ZRANB3: variants seen among roughly 807,000 people sequenced by gnomAD.
ZRANB3 encodes DNA annealing helicase and endonuclease ZRANB3.
A neutral mutation model predicts 133.8 loss-of-function variants in ZRANB3; 125 were observed. The ratio of observed to expected loss-of-function variants is 0.93; its 90% CI spans 0.81 to 1.08. ZRANB3 has a LOEUF of 1.08. Ranked by LOEUF, ZRANB3 falls within the 50% of genes least tolerant of loss-of-function variation. ZRANB3 has a pLI of 0.00. For missense variants in ZRANB3, 1,229 were observed against 1,275.5 expected, an observed-to-expected ratio of 0.96 and a Z score of 0.56; for synonymous variants, 387 against 432.7, an observed-to-expected ratio of 0.89 and a Z score of 1.31.
chr2:135,263,407 A>C (rs11890302), intron 12 of ZRANB3, among the ~76,000 whole-genome samples: 40,839 of 152,096 alleles, frequency 0.27, 9,166 homozygotes, highest in African/African-American at 0.6. Context: ...CAGTAAAGAT[A>C]TTTGTGCATG....
At chr2:135,286,054 A>G (rs1414176230) in intron 8 of ZRANB3, among the ~76,000 whole-genome samples, 1 of 152,192 alleles carries the variant, frequency 6.6e-6, no homozygotes, top group Admixed American at 6.5e-5. Flanking sequence ...ATTTTAAAAA[A>G]TGTTCCATTG....
At position 135,200,875 on chromosome 2, in the gene ZRANB3, C is replaced by T. The variant is rs573676848; in HGVS notation, c.3142-435G>A. On this transcript the variant is annotated intron_variant, in intron 20 of 20. Coordinates refer to ENST00000264159, the MANE Select transcript of ZRANB3 (RefSeq NM_032143.4). The stretch of plus-strand genomic sequence containing the variant: ...GGTTCAAGCAATTCTCCAGCCTCAG[C>T]CTCCAGAGTAGCTGGAATTATAGGC... Among the ~76,000 whole-genome samples, 502 of 151,938 alleles carry T rather than the reference C, an allele frequency of 3.3e-3. 5 individuals carry two copies. The highest frequency in any genetic ancestry group is 7.9e-3 in the South Asian group (38 of 4,808).
chr2:135,311,582 A>T (rs1225133967), intron 8 of ZRANB3, among the ~76,000 whole-genome samples: 7 of 105,662 alleles, frequency 6.6e-5, no homozygotes, highest in East Asian at 6.2e-4. Context: ...GTGAAAGAAT[A>T]AAAAAAAAAA....
intron 13 of ZRANB3, among the ~76,000 whole-genome samples, chr2:135,230,263 T>C (rs1694937817): frequency 6.6e-6 from 1 of 152,230 alleles, no homozygotes; most frequent in Non-Finnish European, 1.5e-5. Context: ...TAATCAGAAA[T>C]GTCCATTTGT....
At chr2:135,353,373 G>T in intron 4 of ZRANB3, 77 bp downstream of exon 4, 2 of 973,124 alleles carry the variant, frequency 2.1e-6, no homozygotes, top group Non-Finnish European at 2.9e-6. Flanking sequence ...TGGTGATATT[G>T]CATTCTAAAA....
At chr2:135,403,477 C>A (rs1261566763) in intron 2 of ZRANB3, among the ~76,000 whole-genome samples, 2 of 152,208 alleles carry the variant, frequency 1.3e-5, no homozygotes, top group East Asian at 3.9e-4. Flanking sequence ...GTGTGGAGCC[C>A]ACTGCAGCTC....
In ZRANB3 at chr2:135,313,532, A is replaced by G. The variant is rs778490785; in HGVS notation, c.923T>C (p.Met308Thr). ...TPNSGAMETV[M>T]GLITRMFKQT... ...TTTAAACATGCGAGTTATCAACCCC[A>G]TGACTGTCTCCATGGCACCTGAATT... Residue 308 changes from methionine to threonine, a missense_variant, in exon 8 of 21, where the codon ATG (methionine) becomes ACG (threonine). Met to Thr is a moderately conservative substitution (Grantham distance 81, BLOSUM62 -1). Transcript: ENST00000264159. The G allele has an allele frequency of 6.2e-7, 1 of 1,613,788 alleles. No homozygotes were observed. Among genetic ancestry groups the G allele is most frequent in the Non-Finnish European group, 8.5e-7 (1 of 1,179,790 alleles).
At chr2:135,273,748 G>T (rs78535568) in intron 9 of ZRANB3, among the ~76,000 whole-genome samples, 15,622 of 151,996 alleles carry the variant, frequency 0.1, 1,066 homozygotes, top group South Asian at 0.32. Context: ...TGTTGGTCAG[G>T]CTGGTCTCGA....
chr2:135,426,749 A>G (rs1288305122), intron 2 of ZRANB3, among the ~76,000 whole-genome samples: 27 of 142,338 alleles, frequency 1.9e-4, no homozygotes, highest in African/African-American at 7.0e-4. Flanking sequence ...GGAGAATGGC[A>G]TGAACCCAGG....
At position 135,208,926 on chromosome 2, in the gene ZRANB3, C is replaced by G. The variant is rs1385221418; in HGVS notation, c.2548G>C (p.Val850Leu). The change falls in exon 18 of 21, where the codon GTT becomes CTT. Residue 850 changes from valine to leucine, a missense_variant. Val to Leu is a conservative substitution (Grantham distance 32). Transcript: ENST00000264159. The part of the protein sequence containing the change: ...AVASMDKVKN[V>L]GGHVRLITKE... ...GTGATCAGACGGACATGGCCCCCAACATTCTTCACTTTGTCCATTGAGGCT... is the reference window on the plus strand; with the variant it reads ...GTGATCAGACGGACATGGCCCCCAAGATTCTTCACTTTGTCCATTGAGGCT... The G allele has an allele frequency of 1.9e-6, 3 of 1,613,876 alleles. No homozygotes were observed. Among genetic ancestry groups the G allele is most frequent in the East Asian group, 2.2e-5 (1 of 44,906 alleles).
chr2:135,340,266 C>T (rs1366148576), intron 6 of ZRANB3, among the ~76,000 whole-genome samples: 1 of 151,790 alleles, frequency 6.6e-6, no homozygotes, highest in Non-Finnish European at 1.5e-5. Flanking sequence ...CCACCACGCC[C>T]AGCTAATTTT....
intron 2 of ZRANB3, among the ~76,000 whole-genome samples, chr2:135,407,132 T>C (rs1353043169): frequency 6.6e-6 from 1 of 152,162 alleles, no homozygotes; most frequent in Non-Finnish European, 1.5e-5. Flanking sequence ...AGTCTCAGAA[T>C]ACAAAATCAA....
chr2:135,470,863 G>A (rs1458285056), intron 2 of ZRANB3, among the ~76,000 whole-genome samples: 4 of 147,548 alleles, frequency 2.7e-5, no homozygotes, highest in East Asian at 4.0e-4. Context: ...GTGCAGTGGC[G>A]CAATCTCGAC....
At chr2:135,406,328 T>C (rs942378804) in intron 2 of ZRANB3, among the ~76,000 whole-genome samples, 3 of 152,066 alleles carry the variant, frequency 2.0e-5, no homozygotes, top group Admixed American at 6.6e-5. Flanking sequence ...AGGCAATAAT[T>C]AATAGTTTAC....
intron 2 of ZRANB3, among the ~76,000 whole-genome samples, chr2:135,476,402 A>G (rs1273221577): frequency 6.6e-6 from 1 of 152,214 alleles, no homozygotes; most frequent in Admixed American, 6.5e-5. Flanking sequence ...CAGGGAAAGA[A>G]AAGTATGTCT....
chr2:135,305,016 G>A (rs56970756), intron 8 of ZRANB3, among the ~76,000 whole-genome samples: 15,872 of 151,662 alleles, frequency 0.1, 1,090 homozygotes, highest in South Asian at 0.32. Flanking sequence ...TCACTATGTC[G>A]CCCAGGCTGG....
rs1044379603 is a variant in ZRANB3 at position 135,199,635 on chromosome 2, AG to A, written c.*706del. ...CTAGTTTTATTCATTTTTTAAAAAA[AG>A]ATCTAAAAAATCAAGCTTAAGTGGC... On this transcript the variant is annotated 3_prime_UTR_variant, in exon 21 of 21. Coordinates refer to ENST00000264159, the MANE Select transcript of ZRANB3 (RefSeq NM_032143.4). 6.6e-6 allele frequency: 1 copy of A among 152,216 alleles called. No individual in the cohort carries two copies. Among genetic ancestry groups the A allele is most frequent in the African/African-American group, 2.4e-5 (1 of 41,430 alleles). The allele number at this position is 152,216 out of a possible 1,614,324, so 9.4% of individuals were successfully genotyped here.
intron 15 of ZRANB3, among the ~76,000 whole-genome samples, chr2:135,223,893 G>A (rs1478745795): frequency 6.6e-6 from 1 of 152,210 alleles, no homozygotes; most frequent in South Asian, 2.1e-4. Flanking sequence ...GCTGCTGCAA[G>A]TGATCATTGC....
intron 2 of ZRANB3, among the ~76,000 whole-genome samples, chr2:135,425,448 C>A (rs2104974036): frequency 6.6e-6 from 1 of 152,156 alleles, no homozygotes; most frequent in South Asian, 2.1e-4. Context: ...AGTGAATAAA[C>A]CAATTACTAA....
Sources: gnomAD v4.1 joint callset for allele counts (sites outside exome capture counted in the v4.1 genomes callset) on GRCh38, gnomAD v4.1.1 for gene constraint, MANE v1.5 for transcripts, NCBI Gene and HGNC (gene_info 2026-07-23, HGNC 2026-07-21) for gene names.